The following DHX32 variants were observed in gnomAD, a reference collection of about 807,000 sequenced individuals.
The protein encoded by DHX32 is putative pre-mRNA-splicing factor ATP-dependent RNA helicase DHX32.
A neutral mutation model predicts 70.0 loss-of-function variants in DHX32; 51 were observed. The ratio of observed to expected loss-of-function variants is 0.73; its 90% CI spans 0.58 to 0.92. The LOEUF is 0.92. DHX32 is among the 40% of genes least tolerant of loss of function. The pLI is 0.00. For synonymous variants in DHX32, 310 were observed against 315.3 expected, an observed-to-expected ratio of 0.98 and a Z score of 0.18; for missense variants, 762 against 891.8, an observed-to-expected ratio of 0.85 and a Z score of 1.85.
At position 125,878,715 on chromosome 10, in the gene DHX32, C is replaced by T. The variant is rs573204816; in HGVS notation, c.282+1828G>A. Among the ~76,000 whole-genome samples the T allele has an allele frequency of 1.5e-3, 221 of 142,814 alleles. 1 individual carries two copies. The highest frequency in any genetic ancestry group is 2.4e-3 in the Non-Finnish European group (155 of 64,800). 93.7% of individuals were successfully genotyped at this position (142,814 alleles called of 152,430 possible). ...GTTTTTTTTTGTTTTGTTTTGTTTT[C>T]TTTTTTTTTTTGAGATGGAGTCTTA... is the stretch of plus-strand genomic sequence containing the variant. On this transcript the variant is annotated intron_variant, in intron 1 of 10. Coordinates refer to ENST00000284690, the MANE Select transcript of DHX32 (RefSeq NM_018180.3).
intron 1 of DHX32, among the ~76,000 whole-genome samples, chr10:125,894,007 T>C (rs1944386827): frequency 1.3e-5 from 2 of 152,274 alleles, no homozygotes; most frequent in Non-Finnish European, 2.9e-5. Flanking sequence ...TCCCGATCCA[T>C]AATGCTTCAG....
In DHX32 at chr10:125,854,011, A is replaced by G. The variant is rs1944124347; in HGVS notation, c.1042T>C (p.Trp348Arg). The G allele has an allele frequency of 6.2e-7, 1 of 1,614,080 alleles. No homozygotes were observed. Among genetic ancestry groups the G allele is most frequent in the African/African-American group, 1.3e-5 (1 of 75,046 alleles). The change falls in exon 4 of 11, where the codon TGG becomes CGG. Residue 348 changes from tryptophan (W) to arginine (R), a missense_variant. Transcript: ENST00000284690. Reference sequence around the variant, plus strand: ...ATAACAAATCTGACTGAGTTGCTCCAGATCAAAAACTCTCCAGAGCTAGTA... The same window carrying G: ...ATAACAAATCTGACTGAGTTGCTCCGGATCAAAAACTCTCCAGAGCTAGTA... ...LTTSSGEFLI[W>R]SNSVRFVIDV...
intron 1 of DHX32, among the ~76,000 whole-genome samples, chr10:125,872,291 C>T (rs1944260622): frequency 6.6e-6 from 1 of 152,154 alleles, no homozygotes; most frequent in South Asian, 2.1e-4. Context: ...AGATATTCCC[C>T]CCTAGTATTA....
chr10:125,846,272 A>G (rs1219023254), intron 6 of DHX32, among the ~76,000 whole-genome samples: 1 of 152,200 alleles, frequency 6.6e-6, no homozygotes, highest in African/African-American at 2.4e-5. Flanking sequence ...ATTATAGAGA[A>G]CTATCTTTAA....
chr10:125,886,456 C>G (rs1944341660), intron 1 of DHX32, among the ~76,000 whole-genome samples: 1 of 152,108 alleles, frequency 6.6e-6, no homozygotes. Flanking sequence ...TGCAGTCTAT[C>G]TTGCATAGTT....
At chr10:125,884,783 TTG>T (rs1301551792), upstream of DHX32, among the ~76,000 whole-genome samples, 1 of 152,146 alleles carries the variant, frequency 6.6e-6, no homozygotes, top group Admixed American at 6.5e-5. Context: ...TGCTCCTCTT[TTG>T]TGTGTTTTTT....
At chr10:125,869,575 CA>C (rs1281183549) in intron 1 of DHX32, 495 of 116,840 alleles carry the variant, frequency 4.2e-3, no homozygotes, top group Admixed American at 5.8e-3. Flanking sequence ...GACTCTGTCT[CA>C]AAAAAAAAAA....
intron 1 of DHX32, among the ~76,000 whole-genome samples, chr10:125,868,829 G>GT (rs1564830134): frequency 6.6e-6 from 1 of 152,066 alleles, no homozygotes; most frequent in Non-Finnish European, 1.5e-5. Context: ...CTCTGGTGTC[G>GT]TTTTCTCCAC....
Position 125,866,931 on chromosome 10 carries a change from A to G in DHX32, c.476+59T>C. On this transcript the variant is annotated intron_variant, in intron 2 of 10. Transcript: ENST00000284690. This position sits in a 1 kb window ranked among gnomAD's most constrained non-coding sequence, Gnocchi z 4.8. Reference sequence around the variant, plus strand: ...AATGCCAGAATAATGCTCCTTCAGAATTGTAGAACCTAAGCCAAGAATCAT... The same window carrying G: ...AATGCCAGAATAATGCTCCTTCAGAGTTGTAGAACCTAAGCCAAGAATCAT... 1 of 1,539,328 alleles carries G rather than the reference A, an allele frequency of 6.5e-7. No homozygotes were observed. Among genetic ancestry groups the G allele is most frequent in the East Asian group, 2.3e-5 (1 of 44,328 alleles).
At chr10:125,873,218 T>C (rs1414461245) in intron 1 of DHX32, among the ~76,000 whole-genome samples, 4 of 152,262 alleles carry the variant, frequency 2.6e-5, no homozygotes, top group African/African-American at 9.6e-5. Flanking sequence ...TAGAACTTTC[T>C]GTCCTTTCCA....
At chr10:125,848,051 C>T (rs1944047074) in intron 6 of DHX32, among the ~76,000 whole-genome samples, 1 of 152,120 alleles carries the variant, frequency 6.6e-6, no homozygotes, top group Non-Finnish European at 1.5e-5. Context: ...CATAAATGGA[C>T]AGAGAAAAAT....
intron 1 of DHX32, among the ~76,000 whole-genome samples, chr10:125,873,730 A>T (rs760295424): frequency 6.6e-6 from 1 of 152,206 alleles, no homozygotes; most frequent in Non-Finnish European, 1.5e-5. Context: ...GTGAGCCAAT[A>T]TATCAGAATC....
chr10:125,872,732 GCT>G (rs1944262849), intron 1 of DHX32, among the ~76,000 whole-genome samples: 1 of 152,202 alleles, frequency 6.6e-6, no homozygotes, highest in African/African-American at 2.4e-5. Context: ...CCTGCCCTAT[GCT>G]CTGTCCCAAA....
intron 2 of DHX32, among the ~76,000 whole-genome samples, chr10:125,861,219 A>G (rs1944186060): frequency 6.6e-6 from 1 of 151,854 alleles, no homozygotes; most frequent in Non-Finnish European, 1.5e-5. Flanking sequence ...CAGAACTGAT[A>G]AAGAGTAGTT....
At chr10:125,888,049 A>C (rs1381516307) in intron 1 of DHX32, among the ~76,000 whole-genome samples, 1 of 152,212 alleles carries the variant, frequency 6.6e-6, no homozygotes, top group Non-Finnish European at 1.5e-5. Flanking sequence ...GTCTGCAAAA[A>C]TAAATCTGTC....
chr10:125,882,941 A>C (rs562214816), upstream of DHX32, among the ~76,000 whole-genome samples: 4 of 152,248 alleles, frequency 2.6e-5, no homozygotes, highest in South Asian at 8.3e-4. Context: ...CCTACATGTA[A>C]ATTAAATTGC....
intron 10 of DHX32, among the ~76,000 whole-genome samples, chr10:125,837,335 G>A (rs1854722799): frequency 6.6e-6 from 1 of 152,224 alleles, no homozygotes; most frequent in Non-Finnish European, 1.5e-5. Context: ...CTTCAAAATG[G>A]ATCCAGACTC....
intron 7 of DHX32, chr10:125,841,467 C>T: frequency 6.7e-7 from 1 of 1,482,300 alleles, no homozygotes; most frequent in Non-Finnish European, 8.9e-7. Flanking sequence ...TTCATCTGCA[C>T]TGATTATTTC....
intron 1 of DHX32, among the ~76,000 whole-genome samples, chr10:125,874,087 A>G (rs1290313782): frequency 6.6e-6 from 1 of 152,218 alleles, no homozygotes; most frequent in Non-Finnish European, 1.5e-5. Flanking sequence ...AAAAAATGTA[A>G]TAAGAAAAGA....
Sources: allele counts gnomAD v4.1 joint callset (sites outside exome capture counted in the v4.1 genomes callset), GRCh38; gene constraint gnomAD v4.1.1; non-coding constraint Gnocchi (gnomAD v3.1); transcripts MANE v1.5; gene names NCBI Gene and HGNC (gene_info 2026-07-23, HGNC 2026-07-21).